GRM7: variants seen among roughly 807,000 people sequenced by gnomAD.
GRM7 encodes the protein metabotropic glutamate receptor 7.
Under a neutral mutation model 84.5 loss-of-function variants are expected in GRM7, and 35 were observed. The observed-to-expected ratio is 0.41, with a 90% confidence interval of 0.32 to 0.55. The LOEUF is 0.55. GRM7 is among the 20% of genes least tolerant of loss of function. The pLI, the probability that GRM7 is intolerant of heterozygous loss-of-function variation, is 0.19. For synonymous variants in GRM7, 487 were observed against 455.1 expected, an observed-to-expected ratio of 1.07 and a Z score of -0.89; for missense variants, 1,003 against 1,194.6, an observed-to-expected ratio of 0.84 and a Z score of 2.36.
chr3:7,339,111 A>G (rs1701537689), intron 4 of GRM7, among the ~76,000 whole-genome samples: 1 of 152,094 alleles, frequency 6.6e-6, no homozygotes, highest in Non-Finnish European at 1.5e-5. Context: ...CATGTCCCAA[A>G]TATGTTCTAG....
intron 1 of GRM7, among the ~76,000 whole-genome samples, chr3:7,061,867 T>C (rs1042636994): frequency 6.6e-6 from 1 of 151,748 alleles, no homozygotes; most frequent in Non-Finnish European, 1.5e-5. Flanking sequence ...AGAGTAGATA[T>C]AAGTGCTGGG....
chr3:7,298,019 C>T (rs1699870357), intron 2 of GRM7, among the ~76,000 whole-genome samples: 1 of 152,150 alleles, frequency 6.6e-6, no homozygotes, highest in South Asian at 2.1e-4. Context: ...TCTATTCCTT[C>T]CTTTCCCTAA....
rs555877376 is a variant in GRM7 at position 7,672,583 on chromosome 3, A to G, written c.2452-7466A>G. The stretch of plus-strand genomic sequence containing the variant: ...TCATAAAATAGTCAATGACAGATGA[A>G]ATAGGAGTTTTAATATACTTTTTTT... On this transcript the variant is annotated intron_variant, in intron 8 of 9. Coordinates refer to ENST00000357716, the MANE Select transcript of GRM7 (RefSeq NM_000844.4). Among the ~76,000 whole-genome samples the G allele has an allele frequency of 7.9e-5, 12 of 151,752 alleles. 1 individual carries two copies. The South Asian group carries it at 2.5e-3, about 32-fold the overall frequency.
At chr3:7,493,849 AGTT>A (rs1559360526) in intron 7 of GRM7, among the ~76,000 whole-genome samples, 1 of 151,986 alleles carries the variant, frequency 6.6e-6, no homozygotes, top group Non-Finnish European at 1.5e-5. Context: ...TTCTCATAAT[AGTT>A]GTTCTGGGTA....
At chr3:7,579,579 A>G (rs1695144395) in intron 8 of GRM7, among the ~76,000 whole-genome samples, 1 of 152,204 alleles carries the variant, frequency 6.6e-6, no homozygotes, top group Admixed American at 6.5e-5. Context: ...GCCTTTTCAA[A>G]TCAATTAAAT....
chr3:7,171,388 C>G (rs548002578), intron 2 of GRM7, among the ~76,000 whole-genome samples: 2 of 152,032 alleles, frequency 1.3e-5, no homozygotes, highest in African/African-American at 2.4e-5. Context: ...GATTACCTCT[C>G]CAAAGAGGCT....
chr3:7,394,554 A>C (rs2125147815), intron 4 of GRM7, among the ~76,000 whole-genome samples: 1 of 152,350 alleles, frequency 6.6e-6, no homozygotes, highest in Admixed American at 6.5e-5. Context: ...AAATATATAG[A>C]AATTTTTTGA....
At chr3:6,985,656 A>AT (rs1694381450) in intron 1 of GRM7, among the ~76,000 whole-genome samples, 1 of 152,186 alleles carries the variant, frequency 6.6e-6, no homozygotes, top group Non-Finnish European at 1.5e-5. Flanking sequence ...ATGTGAATCC[A>AT]TATTTTCCAA....
intron 6 of GRM7, among the ~76,000 whole-genome samples, chr3:7,460,743 A>G (rs1183849099): frequency 6.6e-6 from 1 of 152,214 alleles, no homozygotes; most frequent in Non-Finnish European, 1.5e-5. Flanking sequence ...CATGTCTTGC[A>G]TTATTTGTAC....
At position 6,889,794 on chromosome 3, in the gene GRM7, T is replaced by G. The variant is rs1237752913; in HGVS notation, c.519+27887T>G. The stretch of plus-strand genomic sequence containing the variant: ...CTCTTTTTCTATTGATTGGAATAGT[T>G]TCAGAAGGAATGGTACCAGTTCCTC... On this transcript the variant is annotated intron_variant, in intron 1 of 9. Transcript: ENST00000357716. Among the ~76,000 whole-genome samples the G allele has an allele frequency of 4.6e-5, 7 of 152,264 alleles. No individual in the cohort carries two copies. The East Asian group carries it at 1.2e-3, about 25-fold the overall frequency.
At chr3:7,551,910 T>C (rs1693498223) in intron 7 of GRM7, among the ~76,000 whole-genome samples, 1 of 152,166 alleles carries the variant, frequency 6.6e-6, no homozygotes, top group African/African-American at 2.4e-5. Flanking sequence ...TCAGGAGACT[T>C]ACAATACTGT....
chr3:7,130,246 G>T (rs1282432123), intron 1 of GRM7, among the ~76,000 whole-genome samples: 1 of 152,106 alleles, frequency 6.6e-6, no homozygotes, highest in African/African-American at 2.4e-5. Flanking sequence ...CCTTTAATAA[G>T]AATTCATGGC....
chr3:7,006,118 G>A (rs1429274316), intron 1 of GRM7, among the ~76,000 whole-genome samples: 1 of 152,276 alleles, frequency 6.6e-6, no homozygotes, highest in East Asian at 1.9e-4. Context: ...AATGCACGAT[G>A]TTTGTTAATC....
At chr3:7,020,765 A>AT (rs1249288510) in intron 1 of GRM7, among the ~76,000 whole-genome samples, 4 of 152,242 alleles carry the variant, frequency 2.6e-5, no homozygotes, top group African/African-American at 9.6e-5. Flanking sequence ...TATTTATCAA[A>AT]TTTTTTTAGA....
chr3:7,440,423 C>G (rs1697238493), intron 5 of GRM7, among the ~76,000 whole-genome samples: 1 of 152,138 alleles, frequency 6.6e-6, no homozygotes, highest in African/African-American at 2.4e-5. Context: ...TTCCTATTTA[C>G]AGTTGCAATC....
At chr3:7,098,174 T>C (rs560295864) in intron 1 of GRM7, among the ~76,000 whole-genome samples, 9 of 152,200 alleles carry the variant, frequency 5.9e-5, no homozygotes, top group African/African-American at 2.2e-4. Flanking sequence ...TTCAACTTTG[T>C]GTGTTATGAA....
intron 4 of GRM7, among the ~76,000 whole-genome samples, chr3:7,398,974 A>G (rs942767303): frequency 2.0e-5 from 3 of 151,926 alleles, no homozygotes; most frequent in Non-Finnish European, 2.9e-5. Flanking sequence ...GCATTTCCCA[A>G]TAGCTCTTCC....
At chr3:7,083,966 G>T (rs1224292694) in intron 1 of GRM7, among the ~76,000 whole-genome samples, 1 of 152,038 alleles carries the variant, frequency 6.6e-6, no homozygotes, top group Non-Finnish European at 1.5e-5. Flanking sequence ...GTGTAGCTGG[G>T]GAAAAATGAG....
intron 1 of GRM7, among the ~76,000 whole-genome samples, chr3:7,003,616 G>A (rs1451374989): frequency 6.6e-6 from 1 of 152,092 alleles, no homozygotes; most frequent in Non-Finnish European, 1.5e-5. Context: ...ATGAGTCTAG[G>A]TCTATGTTAA....
Sources: allele counts gnomAD v4.1 joint callset (sites outside exome capture counted in the v4.1 genomes callset), GRCh38; gene constraint gnomAD v4.1.1; transcripts MANE v1.5; gene names NCBI Gene and HGNC (gene_info 2026-07-23, HGNC 2026-07-21).